The following TJP2 variants were observed in gnomAD, a reference collection of about 807,000 sequenced individuals.
The protein encoded by TJP2 is Friedreich ataxia region gene X104 (tight junction protein ZO-2).
Under a neutral mutation model 133.1 loss-of-function variants are expected in TJP2, and 91 were observed. The ratio of observed to expected loss-of-function variants is 0.68; its 90% CI spans 0.58 to 0.81. The LOEUF (loss-of-function observed/expected upper bound fraction) is 0.81. Ranked by LOEUF, TJP2 falls within the 40% of genes least tolerant of loss-of-function variation. The pLI is 0.00. For missense variants in TJP2, 1,541 were observed against 1,565.6 expected (o/e 0.98, Z 0.26); for synonymous variants, 592 against 583.4 (o/e 1.01, Z -0.21).
At chr9:69,138,868 G>A (rs1049703949) in intron 1 of TJP2, among the ~76,000 whole-genome samples, 4 of 152,130 alleles carry the variant, frequency 2.6e-5, no homozygotes, top group Admixed American at 1.3e-4. Flanking sequence ...AGTGAGCTGA[G>A]ATCGCACCAC....
upstream of TJP2, among the ~76,000 whole-genome samples, chr9:69,172,530 G>C (rs569860118): frequency 6.6e-6 from 1 of 152,238 alleles, no homozygotes; most frequent in East Asian, 1.9e-4. Context: ...GGTGGCAAGT[G>C]GTCATCTTAT....
At chr9:69,157,004 T>C (rs117755577) in intron 2 of TJP2, among the ~76,000 whole-genome samples, 2 of 152,244 alleles carry the variant, frequency 1.3e-5, no homozygotes, top group Non-Finnish European at 2.9e-5. Context: ...ACATTTCTTA[T>C]CAGACTTCAG....
At chr9:69,133,186 G>A (rs555382338) in intron 1 of TJP2, among the ~76,000 whole-genome samples, 2 of 152,144 alleles carry the variant, frequency 1.3e-5, no homozygotes, top group South Asian at 2.1e-4. Context: ...GGTCTCGAAC[G>A]CTTGAGCTCA....
Position 69,145,175 on chromosome 9 carries a change from G to A in TJP2, c.-130-6476G>A, listed in dbSNP as rs138508523. On this transcript the variant is annotated intron_variant, in intron 1 of 5. Coordinates refer to the TJP2 transcript ENST00000423935. ...TTGACCCAAGCAAGGAGTTTATAGT[G>A]CTTAGAAATGCATTGCTATAAAATG... Among the ~76,000 whole-genome samples the A allele has an allele frequency of 5.0e-3, 761 of 152,274 alleles. 8 individuals carry two copies. Among genetic ancestry groups the A allele is most frequent in the African/African-American group, 0.017 (693 of 41,558 alleles).
chr9:69,224,966 G>A (rs1280502946), intron 5 of TJP2, among the ~76,000 whole-genome samples: 1 of 152,162 alleles, frequency 6.6e-6, no homozygotes, highest in Admixed American at 6.5e-5. Context: ...CACTTAAGAA[G>A]ATTAACATTA....
At chr9:69,203,631 T>TTTTTTTA (rs71309247) in intron 1 of TJP2, among the ~76,000 whole-genome samples, 1 of 138,886 alleles carries the variant, frequency 7.2e-6, no homozygotes, top group African/African-American at 2.6e-5. Flanking sequence ...TTTTTTTTTT[T>TTTTTTTA]GAGACAGGGT....
At chr9:69,204,513 C>G (rs1414758929) in intron 1 of TJP2, among the ~76,000 whole-genome samples, 1 of 152,198 alleles carries the variant, frequency 6.6e-6, no homozygotes, top group Non-Finnish European at 1.5e-5. Flanking sequence ...CGGCAGGGCT[C>G]TTTGTTATTC....
At chr9:69,252,500 G>C (rs1831412012) in intron 21 of TJP2, among the ~76,000 whole-genome samples, 1 of 152,118 alleles carries the variant, frequency 6.6e-6, no homozygotes, top group South Asian at 2.1e-4. Flanking sequence ...GACAGTGTAG[G>C]AACCTCCTAT....
chr9:69,246,431 C>A, intron 17 of TJP2: 1 of 448,708 alleles, frequency 2.2e-6, no homozygotes, highest in Non-Finnish European at 4.1e-6. Flanking sequence ...AAAAGTTAGC[C>A]TTTCTGAAAA....
At chr9:69,210,396 A>G (rs983705584) in intron 1 of TJP2, among the ~76,000 whole-genome samples, 9 of 151,054 alleles carry the variant, frequency 6.0e-5, no homozygotes, top group African/African-American at 2.2e-4. Context: ...AAAAGAAAAA[A>G]CTTTGAGTGC....
intron 16 of TJP2, 108 bp from the exon 17 acceptor site, chr9:69,239,821 TAAACAAAC>T (rs56355642): frequency 1.1e-5 from 10 of 930,932 alleles, no homozygotes; most frequent in South Asian, 5.8e-5. Flanking sequence ...CCCAAATAAG[TAAACAAAC>T]AAACAAACAA....
At chr9:69,216,114 T>G (rs1167538753) in intron 2 of TJP2, among the ~76,000 whole-genome samples, 1 of 152,180 alleles carries the variant, frequency 6.6e-6, no homozygotes, top group East Asian at 1.9e-4. Flanking sequence ...ATCAATCTTT[T>G]CCAGCCTCTA....
At chr9:69,185,918 C>G (rs189142908) in intron 1 of TJP2, among the ~76,000 whole-genome samples, 1 of 144,076 alleles carries the variant, frequency 6.9e-6, no homozygotes, top group African/African-American at 2.6e-5. Flanking sequence ...GACGGAGTCT[C>G]GGTTGCGCCT....
At chr9:69,239,531 A>G (rs980961461) in intron 16 of TJP2, among the ~76,000 whole-genome samples, 3 of 152,164 alleles carry the variant, frequency 2.0e-5, no homozygotes, top group African/African-American at 7.2e-5. Context: ...ATTTAAATTT[A>G]CAAGATAGGT....
intron 5 of TJP2, among the ~76,000 whole-genome samples, chr9:69,223,948 GAAC>G (rs1243864108): frequency 6.6e-6 from 1 of 152,140 alleles, no homozygotes; most frequent in Non-Finnish European, 1.5e-5. Context: ...TTTTTAGTTT[GAAC>G]AATAATAAAA....
chr9:69,131,074 G>A (rs1822475044), intron 1 of TJP2, among the ~76,000 whole-genome samples: 1 of 152,142 alleles, frequency 6.6e-6, no homozygotes, highest in African/African-American at 2.4e-5. Context: ...AGTCTTTCTG[G>A]CCGTAGTCCC....
intron 1 of TJP2, chr9:69,205,440 G>A: frequency 9.7e-7 from 1 of 1,034,568 alleles, no homozygotes. Flanking sequence ...AGATCTATGT[G>A]AAACTGATAG....
rs1830375167 is a variant in TJP2 at position 69,238,724 on chromosome 9, G to C, written c.2290G>C (p.Asp764His). ...TGCTTTTGCAGAAACGGAACCAAAA[G>C]ATGCAGGATCTGAGAAATCCACTGG... Reference protein sequence around the residue: ...WFQTAKTEPKDAGSEKSTGVV... With the variant: ...WFQTAKTEPKHAGSEKSTGVV... Residue 764 changes from aspartate (D) to histidine (H), a missense_variant, in exon 16 of 23, where the codon GAT (aspartate) becomes CAT (histidine). Transcript: ENST00000377245. 3 of 1,613,932 alleles carry C rather than the reference G, an allele frequency of 1.9e-6. No individual in the cohort carries two copies. In the East Asian group the frequency reaches 6.7e-5, roughly 36 times the overall value.
At chr9:69,132,266 G>A (rs140342910) in intron 1 of TJP2, among the ~76,000 whole-genome samples, 293 of 152,362 alleles carry the variant, frequency 1.9e-3, no homozygotes, top group African/African-American at 6.5e-3. Flanking sequence ...TTTAAGGACA[G>A]TGTGAGACTC....
Sources: gnomAD v4.1 joint callset for allele counts (sites outside exome capture counted in the v4.1 genomes callset) on GRCh38, gnomAD v4.1.1 for gene constraint, MANE v1.5 for transcripts, NCBI Gene and HGNC (gene_info 2026-07-23, HGNC 2026-07-21) for gene names.